Variants in STX18 observed in about 807,000 individuals in gnomAD.
STX18 encodes the protein syntaxin 18.
Under a neutral mutation model 50.1 loss-of-function variants are expected in STX18, and 40 were observed. The observed-to-expected ratio is 0.80, with a 90% CI of 0.62 to 1.04. STX18 has a LOEUF of 1.04. STX18 is among the 50% of genes least tolerant of loss of function. STX18 has a pLI of 0.00. For missense variants in STX18, 410 were observed against 415.8 expected (o/e 0.99, Z 0.12); for synonymous variants, 158 against 151.8 (o/e 1.04, Z -0.30).
At chr4:4,485,948 C>T (rs1420783669) in intron 1 of STX18, among the ~76,000 whole-genome samples, 1 of 152,168 alleles carries the variant, frequency 6.6e-6, no homozygotes, top group East Asian at 1.9e-4. Context: ...ATTCCATGAG[C>T]AGCCTATATC....
intron 1 of STX18, among the ~76,000 whole-genome samples, chr4:4,534,062 C>T (rs1458139900): frequency 6.6e-6 from 1 of 152,096 alleles, no homozygotes; most frequent in African/African-American, 2.4e-5. Flanking sequence ...TAGTGATGGC[C>T]GTATTGCTGA....
chr4:4,540,639 C>T (rs1376934325), intron 1 of STX18, among the ~76,000 whole-genome samples: 1 of 152,180 alleles, frequency 6.6e-6, no homozygotes, highest in Non-Finnish European at 1.5e-5. Context: ...ATGTCTATGT[C>T]CGTCTACTCC....
intron 1 of STX18, among the ~76,000 whole-genome samples, chr4:4,490,447 G>C (rs959886070): frequency 1.1e-4 from 16 of 152,064 alleles, no homozygotes; most frequent in African/African-American, 3.9e-4. Context: ...TCAGATTACG[G>C]TTTTAAATTT....
intron 5 of STX18, among the ~76,000 whole-genome samples, 198 bp from the exon 6 acceptor site, chr4:4,438,707 A>G (rs1053609003): frequency 6.6e-6 from 1 of 151,996 alleles, no homozygotes; most frequent in South Asian, 2.1e-4. Context: ...CCTGCAGGGT[A>G]GAGATTGTGC....
chr4:4,419,815 T>C lies in STX18; in HGVS notation c.*219A>G, dbSNP rs1474795241. 1.2e-5 allele frequency: 6 copies of C among 494,300 alleles called. No homozygotes were observed. The highest frequency in any genetic ancestry group is 2.2e-5 in the Non-Finnish European group (6 of 273,216). The allele number at this position is 494,300 out of a possible 1,614,324, so 30.6% of individuals were successfully genotyped here. On this transcript the variant is annotated 3_prime_UTR_variant, in exon 11 of 11. Transcript: ENST00000306200. The stretch of plus-strand genomic sequence containing the variant: ...GAGGGCTACGCAGGCTGCCTCCCAT[T>C]GGTGTGCACTGTTTCCTTTTTCAGC...
chr4:4,435,714 T>C (rs530391629), intron 6 of STX18, among the ~76,000 whole-genome samples: 3 of 152,338 alleles, frequency 2.0e-5, no homozygotes, highest in Non-Finnish European at 4.4e-5. Flanking sequence ...GGAGTGACTC[T>C]CTAGGACAGA....
At chr4:4,431,122 A>T (rs147486955) in intron 7 of STX18, among the ~76,000 whole-genome samples, 1 of 152,038 alleles carries the variant, frequency 6.6e-6, no homozygotes, top group East Asian at 1.9e-4. Context: ...CAGACAAACA[A>T]CCCACACTAT....
chr4:4,447,369 C>T (rs917373431), intron 5 of STX18, among the ~76,000 whole-genome samples: 4 of 151,748 alleles, frequency 2.6e-5, no homozygotes, highest in African/African-American at 9.7e-5. Context: ...GCGGGCGGAT[C>T]ACGAGGTCAG....
intron 3 of STX18, among the ~76,000 whole-genome samples, chr4:4,458,961 A>G (rs1727223007): frequency 6.6e-6 from 1 of 151,824 alleles, no homozygotes; most frequent in Non-Finnish European, 1.5e-5. Flanking sequence ...GCTGCTGTCA[A>G]CTCCCATCCC....
rs2108765787 is a variant in STX18, at chr4:4,420,510, T to C, written c.912+354A>G. 2.5e-6 allele frequency: 1 copy of C among 397,326 alleles called. No homozygotes were observed. The highest frequency in any genetic ancestry group is 3.3e-5 in the South Asian group (1 of 30,310). 24.6% of individuals were successfully genotyped at this position (397,326 alleles called of 1,614,324 possible). On this transcript the variant is annotated intron_variant, in intron 10 of 10. Coordinates refer to ENST00000306200, the MANE Select transcript of STX18 (RefSeq NM_016930.4). This position sits in a 1 kb window ranked among gnomAD's most constrained non-coding sequence, Gnocchi z 4.3. The stretch of plus-strand genomic sequence containing the variant: ...AACAGTCCCCTCAACAGGATGGCTG[T>C]AGTGTCCTCTGTAAGCAGGGGCCAG...
intron 1 of STX18, among the ~76,000 whole-genome samples, chr4:4,477,247 AAAACAAAACG>A (rs1478261069): frequency 6.6e-6 from 1 of 152,218 alleles, no homozygotes; most frequent in Non-Finnish European, 1.5e-5. Flanking sequence ...GTCTCAAAAC[AAAACAAAACG>A]AAACAAAACA....
chr4:4,437,976 CTG>C (rs1725879060), intron 6 of STX18, among the ~76,000 whole-genome samples: 1 of 152,194 alleles, frequency 6.6e-6, no homozygotes, highest in African/African-American at 2.4e-5. Context: ...GCATTTTGTC[CTG>C]TTGGTTTGAC....
At chr4:4,492,201 G>A (rs1254188082) in intron 1 of STX18, among the ~76,000 whole-genome samples, 4 of 151,936 alleles carry the variant, frequency 2.6e-5, no homozygotes, top group African/African-American at 9.7e-5. Context: ...TTAATCTTAA[G>A]CTTTAGAAAA....
chr4:4,423,713 G>A (rs866053617), intron 8 of STX18, 126 bp from the exon 9 acceptor site: 12 of 927,730 alleles, frequency 1.3e-5, no homozygotes, highest in African/African-American at 8.3e-5. Flanking sequence ...ACACTGTGTC[G>A]GCTGGGGGAA....
At chr4:4,446,540 T>C (rs1726418804) in intron 5 of STX18, among the ~76,000 whole-genome samples, 1 of 152,138 alleles carries the variant, frequency 6.6e-6, no homozygotes, top group South Asian at 2.1e-4. Flanking sequence ...GAATAGTCAA[T>C]CAACACATGA....
chr4:4,532,217 G>A (rs1731131367), intron 1 of STX18, among the ~76,000 whole-genome samples: 3 of 152,132 alleles, frequency 2.0e-5, no homozygotes, highest in Admixed American at 2.0e-4. Flanking sequence ...AAAATGTTTG[G>A]AAAGTTAAAC....
chr4:4,512,300 T>G (rs1468374571), intron 1 of STX18, among the ~76,000 whole-genome samples: 1 of 152,058 alleles, frequency 6.6e-6, no homozygotes, highest in Admixed American at 6.6e-5. Flanking sequence ...AATCCAGGCC[T>G]CTGGACTAAG....
At chr4:4,488,333 A>C (rs1728785541) in intron 1 of STX18, among the ~76,000 whole-genome samples, 1 of 152,198 alleles carries the variant, frequency 6.6e-6, no homozygotes, top group Non-Finnish European at 1.5e-5. Flanking sequence ...TTTGAATTAT[A>C]ATATCAGCTT....
chr4:4,486,594 C>G (rs987049474), intron 1 of STX18, among the ~76,000 whole-genome samples: 6 of 152,112 alleles, frequency 3.9e-5, no homozygotes, highest in African/African-American at 1.4e-4. Flanking sequence ...CCCTAGGATT[C>G]CTCTTTTACA....
Sources: allele counts gnomAD v4.1 joint callset (sites outside exome capture counted in the v4.1 genomes callset), GRCh38; gene constraint gnomAD v4.1.1; non-coding constraint Gnocchi (gnomAD v3.1); transcripts MANE v1.5; gene names NCBI Gene and HGNC (gene_info 2026-07-23, HGNC 2026-07-21).